The following LINGO2 variants were observed in gnomAD, a reference collection of about 807,000 sequenced individuals.
LINGO2 encodes the protein leucine rich repeat and Ig domain containing 2, also known as leucine-rich repeat and immunoglobulin-like domain-containing nogo receptor-interacting protein 2.
In LINGO2, 14 loss-of-function variants were observed where a neutral mutation model predicts 30.6. That is an observed-to-expected ratio of 0.46 (90% CI 0.30 to 0.72). The LOEUF is 0.72. Ranked by LOEUF, LINGO2 falls within the 30% of genes least tolerant of loss-of-function variation. LINGO2 has a pLI of 0.07. For missense variants in LINGO2, 729 were observed against 751.7 expected (o/e 0.97, Z 0.35); for synonymous variants, 317 against 288.5 (o/e 1.10, Z -1.00).
At chr9:28,081,456 G>T (rs1223179623) in intron 4 of LINGO2, among the ~76,000 whole-genome samples, 2 of 152,278 alleles carry the variant, frequency 1.3e-5, no homozygotes, top group African/African-American at 4.8e-5. Flanking sequence ...AGGCTTTCAT[G>T]TGGTATATAA....
At chr9:29,057,221 C>T in the LINGO2 span, among the ~76,000 whole-genome samples, 1 of 151,878 alleles carries the variant, frequency 6.6e-6, no homozygotes, top group Non-Finnish European at 1.5e-5. Flanking sequence ...TTGATTCTAT[C>T]CATCCATGAG....
intron 2 of LINGO2, among the ~76,000 whole-genome samples, chr9:28,409,400 C>A (rs1822655259): frequency 6.6e-6 from 1 of 152,002 alleles, no homozygotes; most frequent in South Asian, 2.1e-4. Flanking sequence ...CACAAGTGTA[C>A]AATTTTACAA....
At chr9:28,142,874 T>C (rs1827712492) in intron 4 of LINGO2, among the ~76,000 whole-genome samples, 1 of 152,146 alleles carries the variant, frequency 6.6e-6, no homozygotes, top group Non-Finnish European at 1.5e-5. Flanking sequence ...CTAGCTGGAG[T>C]GGGTATACTG....
At chr9:28,103,787 A>C (rs1402527473) in intron 4 of LINGO2, among the ~76,000 whole-genome samples, 1 of 152,194 alleles carries the variant, frequency 6.6e-6, no homozygotes, top group Non-Finnish European at 1.5e-5. Context: ...ATGTGACAAA[A>C]CTATCATTTT....
At chr9:28,685,186 T>C in the LINGO2 span, among the ~76,000 whole-genome samples, 1 of 152,190 alleles carries the variant, frequency 6.6e-6, no homozygotes, top group Admixed American at 6.5e-5. Context: ...TGCATAGTAT[T>C]CCATGCTGTA....
chr9:28,782,316 C>T, the LINGO2 span, among the ~76,000 whole-genome samples: 1 of 152,144 alleles, frequency 6.6e-6, no homozygotes, highest in Non-Finnish European at 1.5e-5. Context: ...AATGACCTTT[C>T]GTCCTCAGAA....
intron 3 of LINGO2, among the ~76,000 whole-genome samples, chr9:28,301,922 T>G (rs903971265): frequency 2.0e-5 from 3 of 152,118 alleles, no homozygotes; most frequent in Non-Finnish European, 4.4e-5. Flanking sequence ...GGGGCCTATA[T>G]TCAACATTCT....
chr9:29,120,268 T>A, the LINGO2 span, among the ~76,000 whole-genome samples: 1 of 152,114 alleles, frequency 6.6e-6, no homozygotes, highest in Non-Finnish European at 1.5e-5. Flanking sequence ...TGGCATTGAA[T>A]AACTATATGA....
At chr9:29,087,719 A>G in the LINGO2 span, among the ~76,000 whole-genome samples, 20 of 152,164 alleles carry the variant, frequency 1.3e-4, no homozygotes, top group Admixed American at 1.2e-3. Flanking sequence ...ATAATGCCCA[A>G]TATAGGATTT....
intron 1 of LINGO2, among the ~76,000 whole-genome samples, chr9:28,657,251 CTGA>C (rs1472917981): frequency 6.6e-6 from 1 of 151,876 alleles, no homozygotes; most frequent in East Asian, 1.9e-4. Flanking sequence ...ATCTAGTACC[CTGA>C]TATTTTTTTA....
chr9:28,089,241 C>T (rs1826003517), intron 4 of LINGO2, among the ~76,000 whole-genome samples: 1 of 152,156 alleles, frequency 6.6e-6, no homozygotes, highest in Non-Finnish European at 1.5e-5. Context: ...GAACTCTCCA[C>T]CCCAAATCAA....
the LINGO2 span, among the ~76,000 whole-genome samples, chr9:28,934,266 C>T: frequency 6.6e-6 from 1 of 152,180 alleles, no homozygotes; most frequent in Non-Finnish European, 1.5e-5. Context: ...GAACACTATC[C>T]TTCAGCAAAA....
At chr9:29,122,557 A>G in the LINGO2 span, among the ~76,000 whole-genome samples, 1 of 151,962 alleles carries the variant, frequency 6.6e-6, no homozygotes. Context: ...TTTTCTAAGC[A>G]TTTACTAAGA....
At chr9:28,588,832 T>C (rs1225457773) in intron 1 of LINGO2, among the ~76,000 whole-genome samples, 1 of 152,068 alleles carries the variant, frequency 6.6e-6, no homozygotes, top group Non-Finnish European at 1.5e-5. Flanking sequence ...TTGTGGCAAC[T>C]GCCTCCTATC....
chr9:28,772,593 G>T, the LINGO2 span, among the ~76,000 whole-genome samples: 1 of 152,080 alleles, frequency 6.6e-6, no homozygotes, highest in African/African-American at 2.4e-5. Flanking sequence ...AAAATTGTCC[G>T]CTGAAGCTGA....
chr9:28,721,786 C>T, the LINGO2 span, among the ~76,000 whole-genome samples: 13 of 151,422 alleles, frequency 8.6e-5, no homozygotes, highest in African/African-American at 2.9e-4. Flanking sequence ...CAAACCTGCA[C>T]GTTCAGCACA....
At chr9:28,438,789 T>C (rs903273994) in intron 2 of LINGO2, among the ~76,000 whole-genome samples, 4 of 149,278 alleles carry the variant, frequency 2.7e-5, no homozygotes, top group Non-Finnish European at 5.9e-5. Context: ...CTGTGGAAGA[T>C]AGTTCTGATG....
chr9:29,203,807 T>C, the LINGO2 span, among the ~76,000 whole-genome samples: 3 of 152,336 alleles, frequency 2.0e-5, no homozygotes, highest in East Asian at 1.9e-4. Context: ...TTGTGCAACA[T>C]AGCTTCCTAT....
At chr9:28,504,182 G>A (rs559074531) in intron 1 of LINGO2, among the ~76,000 whole-genome samples, 1 of 151,898 alleles carries the variant, frequency 6.6e-6, no homozygotes, top group East Asian at 1.9e-4. Context: ...CTAAGAAAAT[G>A]TTATAAATAA....
Sources: allele counts gnomAD v4.1 joint callset (sites outside exome capture counted in the v4.1 genomes callset), GRCh38; gene constraint gnomAD v4.1.1; transcripts MANE v1.5; gene names NCBI Gene and HGNC (gene_info 2026-07-23, HGNC 2026-07-21).